The following ZNF48 variants were observed in gnomAD, a reference collection of about 807,000 sequenced individuals.
The protein encoded by ZNF48 is zinc finger protein 553.
In ZNF48, 20 loss-of-function variants were observed where a neutral mutation model predicts 40.0. The observed-to-expected ratio is 0.50, with a 90% CI of 0.35 to 0.73. The LOEUF is 0.73. Ranked by LOEUF, ZNF48 falls within the 30% of genes least tolerant of loss-of-function variation. ZNF48 has a pLI of 0.01. For synonymous variants in ZNF48, 298 were observed against 329.7 expected (o/e 0.90, Z 1.04); for missense variants, 726 against 851.9 (o/e 0.85, Z 1.84).
At position 30,381,299 on chromosome 16, in the gene ZNF48, C is replaced by T; in HGVS notation, c.-16+2889C>T. 2 of 1,611,424 alleles carry T rather than the reference C, an allele frequency of 1.2e-6. No homozygotes were observed. The highest frequency in any genetic ancestry group is 2.2e-5 in the South Asian group (2 of 91,002). On this transcript the variant is annotated intron_variant, in intron 1 of 2. Coordinates refer to the ZNF48 transcript ENST00000528032. This position sits in a 1 kb window ranked among gnomAD's most constrained non-coding sequence, Gnocchi z 4.3. Reference sequence around the variant, plus strand: ...CTCAGGGGGCAGAGACCCCCCAGCCCTCCCTAAATGCGCCAGCCCCCAGGA... The same window carrying T: ...CTCAGGGGGCAGAGACCCCCCAGCCTTCCCTAAATGCGCCAGCCCCCAGGA...
chr16:30,391,497 TTTTC>T (rs1712906429), upstream of ZNF48, among the ~76,000 whole-genome samples: 1 of 150,078 alleles, frequency 6.7e-6, no homozygotes, highest in African/African-American at 2.5e-5. Context: ...AGTCTTTTTC[TTTTC>T]TTTTTTTTTT....
At chr16:30,378,933 C>T in intron 1 of ZNF48, 11 of 1,377,716 alleles carry the variant, frequency 8.0e-6, no homozygotes, top group Non-Finnish European at 1.1e-5. Context: ...GGCGGAGTCA[C>T]GGGTGGTGGG....
chr16:30,381,188 A>T lies in ZNF48; in HGVS notation c.-16+2778A>T. 1 of 1,614,044 alleles carries T rather than the reference A, an allele frequency of 6.2e-7. No homozygotes were observed. Among genetic ancestry groups the T allele is most frequent in the Non-Finnish European group, 8.5e-7 (1 of 1,180,004 alleles). On this transcript the variant is annotated intron_variant, in intron 1 of 2. Transcript: ENST00000528032. The surrounding 1 kb of genome is among the most constrained non-coding windows in gnomAD (Gnocchi z 4.3). ...AGCATCCGCTTTGCCAATGACTGGG[A>T]TGATGTTGACTTTCTCGTGTACTGC... is the stretch of plus-strand genomic sequence containing the variant.
rs139960852 is a variant in ZNF48, at chr16:30,397,670, C to T, written c.420C>T (p.Tyr140=). 31 of 1,613,402 alleles carry T rather than the reference C, an allele frequency of 1.9e-5. No homozygotes were observed. The African/African-American group carries it at 4.1e-4, about 22-fold the overall frequency. ...HQRTHTGEKP[Y]KCGVCGKGFG... ...GGACCCACACAGGGGAGAAACCCTA[C>T]AAGTGTGGGGTCTGTGGCAAGGGCT... is the stretch of plus-strand genomic sequence containing the variant. The change falls in exon 3 of 3, where the codon TAC becomes TAT. Residue 140 remains tyrosine (Y), a synonymous_variant. Transcript: ENST00000613509. This position sits in a 1 kb window ranked among gnomAD's most constrained non-coding sequence, Gnocchi z 4.1.
At chr16:30,379,284 G>A (rs1567423366) in intron 1 of ZNF48, 3 of 1,516,468 alleles carry the variant, frequency 2.0e-6, no homozygotes, top group East Asian at 4.5e-5. Context: ...CCACTCTAGC[G>A]GAGGGTCCGC....
At position 30,382,339 on chromosome 16, in the gene ZNF48, G is replaced by A. The variant is rs4787643; in HGVS notation, c.-16+3929G>A. ...ACTTGCGGTGCAGCTGGTTGGGGAG[G>A]GCAGCAAAACCCACGTACTCCTTGT... On this transcript the variant is annotated intron_variant, in intron 1 of 2. Transcript: ENST00000528032. This position sits in a 1 kb window ranked among gnomAD's most constrained non-coding sequence, Gnocchi z 4.8. 0.68 allele frequency: 1,089,923 copies of A among 1,612,400 alleles called. 371,465 individuals are homozygous for A. The highest frequency in any genetic ancestry group is 0.9 in the East Asian group (40,273 of 44,850).
intron 1 of ZNF48, chr16:30,378,624 C>T (rs766212898): frequency 6.2e-7 from 1 of 1,611,144 alleles, no homozygotes. Context: ...TCGTCTTTCT[C>T]GCGGATCAGC....
chr16:30,385,269 A>G (rs546795053), intron 1 of ZNF48, among the ~76,000 whole-genome samples: 40 of 151,696 alleles, frequency 2.6e-4, no homozygotes, highest in Non-Finnish European at 4.7e-4. Flanking sequence ...ACCTCTCAGC[A>G]CTCCACCACC....
At chr16:30,387,640 C>T (rs1018821851) in intron 1 of ZNF48, among the ~76,000 whole-genome samples, 14 of 150,418 alleles carry the variant, frequency 9.3e-5, no homozygotes, top group Non-Finnish European at 2.1e-4. Context: ...CTCACTGCAA[C>T]CTCTGCCTCC....
chr16:30,381,183 CTG>C lies in ZNF48; in HGVS notation c.-16+2774_-16+2775del. 6.2e-7 allele frequency: 1 copy of C among 1,614,130 alleles called. No individual in the cohort carries two copies. Among genetic ancestry groups the C allele is most frequent in the Non-Finnish European group, 8.5e-7 (1 of 1,180,020 alleles). On this transcript the variant is annotated intron_variant, in intron 1 of 2. Coordinates refer to the ZNF48 transcript ENST00000528032. This position sits in a 1 kb window ranked among gnomAD's most constrained non-coding sequence, Gnocchi z 4.3. ...ATCAGAGCATCCGCTTTGCCAATGACTGGGATGATGTTGACTTTCTCGTGTAC... is the reference window on the plus strand; with the variant it reads ...ATCAGAGCATCCGCTTTGCCAATGACGGATGATGTTGACTTTCTCGTGTAC...
At chr16:30,395,415 C>T (rs1597018823), upstream of ZNF48, 2 of 365,116 alleles carry the variant, frequency 5.5e-6, no homozygotes, top group Non-Finnish European at 1.1e-5. This position sits in a 1 kb window ranked among gnomAD's most constrained non-coding sequence, Gnocchi z 5.9. Context: ...GCTTCCGCTT[C>T]CCGTCCCCGC....
chr16:30,381,281 G>C lies in ZNF48; in HGVS notation c.-16+2871G>C. The C allele has an allele frequency of 3.1e-6, 5 of 1,612,574 alleles. No homozygotes were observed. The highest frequency in any genetic ancestry group is 4.2e-6 in the Non-Finnish European group (5 of 1,178,710). Reference sequence around the variant, plus strand: ...GATTGGTCATTGCCCAGCCTCAGGGGGCAGAGACCCCCCAGCCCTCCCTAA... The same window carrying C: ...GATTGGTCATTGCCCAGCCTCAGGGCGCAGAGACCCCCCAGCCCTCCCTAA... On this transcript the variant is annotated intron_variant, in intron 1 of 2. Transcript: ENST00000528032. The surrounding 1 kb of genome is among the most constrained non-coding windows in gnomAD (Gnocchi z 4.3).
intron 1 of ZNF48, among the ~76,000 whole-genome samples, chr16:30,387,743 G>C (rs1257428837): frequency 1.3e-5 from 2 of 151,314 alleles, no homozygotes; most frequent in East Asian, 4.1e-4. Flanking sequence ...ATTTTTAGTA[G>C]AGACAGGGTT....
chr16:30,381,382 G>T lies in ZNF48; in HGVS notation c.-16+2972G>T. The stretch of plus-strand genomic sequence containing the variant: ...ATGAAGTAGAGGCAGCAGTGGACTC[G>T]GGAGTCCTGGATGTTCTTCCGGTTC... On this transcript the variant is annotated intron_variant, in intron 1 of 2. Coordinates refer to the ZNF48 transcript ENST00000528032. This position sits in a 1 kb window ranked among gnomAD's most constrained non-coding sequence, Gnocchi z 4.3. 3 of 1,613,110 alleles carry T rather than the reference G, an allele frequency of 1.9e-6. No homozygotes were observed. Among genetic ancestry groups the T allele is most frequent in the Non-Finnish European group, 2.5e-6 (3 of 1,179,472 alleles).
upstream of ZNF48, among the ~76,000 whole-genome samples, chr16:30,394,340 C>T (rs2049963413): frequency 6.6e-6 from 1 of 152,140 alleles, no homozygotes; most frequent in African/African-American, 2.4e-5. Context: ...CACAGTTACC[C>T]CCACCATCAT....
Position 30,399,385 on chromosome 16 carries a change from GCTTT to G in ZNF48, c.*280_*283del, listed in dbSNP as rs2050029881. 5.9e-6 allele frequency: 2 copies of G among 337,512 alleles called. No homozygotes were observed. The highest frequency in any genetic ancestry group is 1.1e-5 in the Non-Finnish European group (2 of 184,174). The allele number at this position is 337,512 out of a possible 1,614,324, so 20.9% of individuals were successfully genotyped here. A position where few individuals can be genotyped will look rare whatever the true frequency, so the allele number is the denominator to read the frequency against. ...CAATACTTGTTGAATAAATAAACTGGCTTTCACCTAAGGACTCAACCCTAAATTC... is the reference window on the plus strand; with the variant it reads ...CAATACTTGTTGAATAAATAAACTGGCACCTAAGGACTCAACCCTAAATTC... On this transcript the variant is annotated 3_prime_UTR_variant, in exon 3 of 3. Transcript: ENST00000613509.
At position 30,395,820 on chromosome 16, in the gene ZNF48, G is replaced by T. The variant is rs1237506236; in HGVS notation, c.26G>T (p.Gly9Val). The change falls in exon 2 of 3, where the codon GGC becomes GTC. Residue 9 changes from glycine (G) to valine (V), a missense_variant. Transcript: ENST00000613509. This position sits in a 1 kb window ranked among gnomAD's most constrained non-coding sequence, Gnocchi z 5.9. MERAVEPW[G>V]PDLHRPEERE... ...ATGGAGCGCGCGGTAGAGCCTTGGG[G>T]CCCAGATCTCCACCGCCCGGAGGAG... 6.4e-7 allele frequency: 1 copy of T among 1,550,598 alleles called. No individual in the cohort carries two copies. The highest frequency in any genetic ancestry group is 1.9e-5 in the Admixed American group (1 of 53,156).
At position 30,399,237 on chromosome 16, in the gene ZNF48, A is replaced by C; in HGVS notation, c.*130A>C. ...GAAAGGGGAGGAAGAATAGATAGAA[A>C]TAGGGATTGGAGACAGTAACCTTGA... On this transcript the variant is annotated 3_prime_UTR_variant, in exon 3 of 3. Transcript: ENST00000613509. 1 of 924,126 alleles carries C rather than the reference A, an allele frequency of 1.1e-6. No individual in the cohort carries two copies. The highest frequency in any genetic ancestry group is 1.6e-6 in the Non-Finnish European group (1 of 635,354). 57.2% of individuals were successfully genotyped at this position (924,126 alleles called of 1,614,324 possible). A position where few individuals can be genotyped will look rare whatever the true frequency, so the allele number is the denominator to read the frequency against.
chr16:30,389,339 C>A (rs531303765), intron 1 of ZNF48, among the ~76,000 whole-genome samples: 1 of 150,562 alleles, frequency 6.6e-6, no homozygotes, highest in Non-Finnish European at 1.5e-5. Context: ...TGCAGTGAGC[C>A]GAGATTGTGC....
Sources: allele counts gnomAD v4.1 joint callset (sites outside exome capture counted in the v4.1 genomes callset), GRCh38; gene constraint gnomAD v4.1.1; non-coding constraint Gnocchi (gnomAD v3.1); transcripts MANE v1.5; gene names NCBI Gene and HGNC (gene_info 2026-07-23, HGNC 2026-07-21).